TMEM117: variants seen among roughly 807,000 people sequenced by gnomAD.
TMEM117 encodes the protein transmembrane protein 117.
A neutral mutation model predicts 52.4 loss-of-function variants in TMEM117; 27 were observed. The observed-to-expected ratio is 0.51, with a 90% CI of 0.38 to 0.71. TMEM117 has a LOEUF of 0.71. TMEM117 is among the 30% of genes least tolerant of loss of function. TMEM117 has a pLI of 0.00. For synonymous variants in TMEM117, 215 were observed against 206.3 expected (o/e 1.04, Z -0.36); for missense variants, 556 against 630.5 (o/e 0.88, Z 1.26).
chr12:43,848,849 C>T (rs367748849), intron 2 of TMEM117, among the ~76,000 whole-genome samples: 81 of 152,252 alleles, frequency 5.3e-4, no homozygotes, highest in African/African-American at 1.8e-3. Flanking sequence ...AGCTTTAGCC[C>T]GTCCCTCTGT....
At chr12:44,009,911 C>T in intron 3 of TMEM117, 1 of 275,646 alleles carries the variant, frequency 3.6e-6, no homozygotes, top group Non-Finnish European at 7.6e-6. Flanking sequence ...TCTCTGGCCT[C>T]AATCACTGAT....
At chr12:44,375,463 A>G (rs572931159) in intron 6 of TMEM117, among the ~76,000 whole-genome samples, 22 of 152,224 alleles carry the variant, frequency 1.4e-4, no homozygotes, top group African/African-American at 4.8e-4. Flanking sequence ...CCACTCACAT[A>G]TTGTCTTCTT....
intron 3 of TMEM117, among the ~76,000 whole-genome samples, chr12:43,969,306 G>A (rs548110862): frequency 6.9e-6 from 1 of 144,908 alleles, no homozygotes; most frequent in East Asian, 2.0e-4. Flanking sequence ...GGATCACGAG[G>A]TCAGGAGTTC....
chr12:43,802,061 A>G, the TMEM117 span, among the ~76,000 whole-genome samples: 22 of 152,136 alleles, frequency 1.4e-4, no homozygotes, highest in Non-Finnish European at 2.4e-4. Context: ...CATTGCCACA[A>G]ATTTTTAAAT....
intron 5 of TMEM117, among the ~76,000 whole-genome samples, chr12:44,254,905 G>A (rs949064633): frequency 1.3e-5 from 2 of 151,842 alleles, no homozygotes; most frequent in African/African-American, 2.4e-5. Flanking sequence ...GAGAACATGC[G>A]GTGTTTGGTT....
At chr12:43,930,499 C>A (rs1592371993) in intron 2 of TMEM117, among the ~76,000 whole-genome samples, 1 of 152,230 alleles carries the variant, frequency 6.6e-6, no homozygotes, top group East Asian at 1.9e-4. Flanking sequence ...ATCAGCAAAT[C>A]TCCCAAGGGG....
At chr12:44,361,879 T>C (rs1312515609) in intron 6 of TMEM117, among the ~76,000 whole-genome samples, 1 of 152,150 alleles carries the variant, frequency 6.6e-6, no homozygotes, top group Non-Finnish European at 1.5e-5. Flanking sequence ...ATTTCCATCA[T>C]TGTTTGATTA....
At chr12:43,842,230 C>T (rs1005710266) in intron 1 of TMEM117, among the ~76,000 whole-genome samples, 8 of 152,146 alleles carry the variant, frequency 5.3e-5, no homozygotes, top group Admixed American at 5.2e-4. Flanking sequence ...GTGAGAGTCA[C>T]ACATATAAGT....
chr12:44,295,811 G>T (rs1950761589), intron 5 of TMEM117, among the ~76,000 whole-genome samples: 1 of 151,660 alleles, frequency 6.6e-6, no homozygotes, highest in East Asian at 1.9e-4. Flanking sequence ...TGAATTCTTT[G>T]TCAGACAGTT....
chr12:44,225,652 T>G (rs1291128851), intron 5 of TMEM117, among the ~76,000 whole-genome samples: 1 of 121,772 alleles, frequency 8.2e-6, no homozygotes, highest in African/African-American at 3.4e-5. Context: ...CCACAGTATA[T>G]TTTTTAATGT....
At chr12:43,986,800 G>A (rs1027372427) in intron 3 of TMEM117, among the ~76,000 whole-genome samples, 1 of 151,986 alleles carries the variant, frequency 6.6e-6, no homozygotes, top group Non-Finnish European at 1.5e-5. Flanking sequence ...GCATATTGAT[G>A]TTATCCACAG....
intron 3 of TMEM117, among the ~76,000 whole-genome samples, chr12:44,050,108 A>T (rs951770042): frequency 6.6e-6 from 1 of 152,192 alleles, no homozygotes; most frequent in Non-Finnish European, 1.5e-5. Context: ...TCAACACGTG[A>T]GCAAAGCTAT....
At chr12:43,905,470 A>G (rs1439639685) in intron 2 of TMEM117, among the ~76,000 whole-genome samples, 4 of 152,126 alleles carry the variant, frequency 2.6e-5, no homozygotes, top group African/African-American at 7.2e-5. Flanking sequence ...CTCCCATTAG[A>G]TTATATTAAC....
upstream of TMEM117, among the ~76,000 whole-genome samples, chr12:43,831,896 TGTAAACA>T (rs1942985091): frequency 3.9e-5 from 6 of 152,178 alleles, no homozygotes; most frequent in Non-Finnish European, 8.8e-5. Context: ...AGGAATGATA[TGTAAACA>T]ACACACATTT....
chr12:44,179,796 C>A (rs1304927408), intron 4 of TMEM117, among the ~76,000 whole-genome samples: 1 of 152,178 alleles, frequency 6.6e-6, no homozygotes, highest in East Asian at 1.9e-4. Flanking sequence ...TTATTACTGA[C>A]TATCTTTATC....
chr12:44,282,105 T>C (rs1445737571), intron 5 of TMEM117, among the ~76,000 whole-genome samples: 2 of 151,990 alleles, frequency 1.3e-5, no homozygotes, highest in African/African-American at 4.8e-5. Context: ...TGCTTCTTTC[T>C]CATTTTTCTC....
intron 6 of TMEM117, 134 bp from the exon 7 acceptor site, chr12:44,376,461 G>T (rs755720480): frequency 8.6e-6 from 9 of 1,046,068 alleles, no homozygotes; most frequent in Admixed American, 1.8e-5. Context: ...ATCACAGAAT[G>T]AAACTGATAT....
intron 6 of TMEM117, among the ~76,000 whole-genome samples, chr12:44,347,964 G>A (rs984515922): frequency 6.6e-6 from 1 of 151,998 alleles, no homozygotes; most frequent in African/African-American, 2.4e-5. Context: ...TGACCTTATA[G>A]GCTGAAGTAT....
In TMEM117 at chr12:44,148,164, A is replaced by G. The variant is rs893894470; in HGVS notation, c.510+4540A>G. On this transcript the variant is annotated intron_variant, in intron 4 of 7. Transcript: ENST00000266534. ...AAGTGATGTTGTAGACACATAAAAC[A>G]GGAAAAAGTCAGTTTAGTTGTTTGC... Among the ~76,000 whole-genome samples the G allele has an allele frequency of 5.3e-5, 8 of 152,362 alleles. No individual in the cohort carries two copies. In the South Asian group the frequency reaches 1.7e-3, roughly 32 times the overall value.
Sources: allele counts gnomAD v4.1 joint callset (sites outside exome capture counted in the v4.1 genomes callset), GRCh38; gene constraint gnomAD v4.1.1; transcripts MANE v1.5; gene names NCBI Gene and HGNC (gene_info 2026-07-23, HGNC 2026-07-21).